Variants in MAPK10 observed in about 807,000 individuals in gnomAD.
The protein encoded by MAPK10 is JNK3 alpha protein kinase.
A neutral mutation model predicts 59.3 loss-of-function variants in MAPK10; 25 were observed. That is an observed-to-expected ratio of 0.42 (90% CI 0.31 to 0.59). The LOEUF (loss-of-function observed/expected upper bound fraction) is 0.59. MAPK10 is among the 20% of genes least tolerant of loss of function. The probability of loss-of-function intolerance (pLI) is 0.15; values close to 1 mark genes in which losing one functional copy is unlikely to be tolerated. For missense variants in MAPK10, 351 were observed against 568.9 expected, an observed-to-expected ratio of 0.62 and a Z score of 3.90; for synonymous variants, 190 against 200.5, an observed-to-expected ratio of 0.95 and a Z score of 0.44.
intron 1 of MAPK10, among the ~76,000 whole-genome samples, chr4:86,583,365 A>G (rs931360803): frequency 3.9e-5 from 6 of 152,052 alleles, no homozygotes; most frequent in Admixed American, 3.9e-4. Flanking sequence ...TACCTTTTCT[A>G]GAAGCTAGAA....
At chr4:86,222,774 T>C (rs562500887) in intron 2 of MAPK10, among the ~76,000 whole-genome samples, 2 of 152,334 alleles carry the variant, frequency 1.3e-5, no homozygotes, top group African/African-American at 4.8e-5. Context: ...CACCCCCTAA[T>C]AGACTTTTAC....
Position 86,338,617 on chromosome 4 carries a change from T to C in MAPK10, c.-7+15913A>G, listed in dbSNP as rs149312841. On this transcript the variant is annotated intron_variant, in intron 2 of 13. Coordinates refer to ENST00000641462, the MANE Select transcript of MAPK10 (RefSeq NM_138982.4). ...CAGTGTACTATTTTATAGACACATG[T>C]TTTTCTTGTACGTGCAAGCCCTATA... Among the ~76,000 whole-genome samples the C allele has an allele frequency of 6.3e-3, 959 of 152,298 alleles. 7 individuals carry two copies. The highest frequency in any genetic ancestry group is 0.021 in the African/African-American group (861 of 41,546).
chr4:86,129,626 G>A (rs1417544362), intron 4 of MAPK10, among the ~76,000 whole-genome samples: 2 of 152,108 alleles, frequency 1.3e-5, no homozygotes, highest in Non-Finnish European at 2.9e-5. Flanking sequence ...TCAAATACGA[G>A]TATTGATTTT....
At chr4:86,076,102 T>C (rs1195855027) in intron 9 of MAPK10, among the ~76,000 whole-genome samples, 2 of 152,164 alleles carry the variant, frequency 1.3e-5, no homozygotes, top group Non-Finnish European at 2.9e-5. Flanking sequence ...CGTGGTGCGC[T>C]GCTTTTTAAG....
At chr4:86,256,767 G>A (rs547988395) in intron 2 of MAPK10, among the ~76,000 whole-genome samples, 7 of 111,918 alleles carry the variant, frequency 6.3e-5, no homozygotes, top group African/African-American at 2.2e-4. Flanking sequence ...TTGAGACAGA[G>A]TCTCTCTCTG....
At chr4:86,303,348 A>G (rs987207584) in intron 2 of MAPK10, among the ~76,000 whole-genome samples, 1 of 152,170 alleles carries the variant, frequency 6.6e-6, no homozygotes, top group African/African-American at 2.4e-5. Flanking sequence ...TGTGACTTCG[A>G]CTTTCATTCA....
chr4:86,265,403 G>A (rs1418453306), intron 2 of MAPK10, among the ~76,000 whole-genome samples: 2 of 151,772 alleles, frequency 1.3e-5, no homozygotes, highest in African/African-American at 4.8e-5. Flanking sequence ...CAGCTACTCA[G>A]GAGGCTGAGG....
At chr4:86,135,042 A>C (rs1249545569) in intron 4 of MAPK10, among the ~76,000 whole-genome samples, 1 of 152,160 alleles carries the variant, frequency 6.6e-6, no homozygotes, top group Non-Finnish European at 1.5e-5. Context: ...CCTATGCCCA[A>C]GGAGTCTTGC....
At chr4:86,331,871 G>C (rs867245921) in intron 2 of MAPK10, among the ~76,000 whole-genome samples, 1 of 152,038 alleles carries the variant, frequency 6.6e-6, no homozygotes, top group Non-Finnish European at 1.5e-5. Context: ...TATCTACAAG[G>C]CCTGTTTAGA....
chr4:86,572,040 A>G lies in MAPK10; in HGVS notation c.-263+21870T>C, dbSNP rs765161155. Reference sequence around the variant, plus strand: ...ATTGCATAATGCTAGCTTTAAATGTATATATGTACATTTAACTCCTATGTA... The same window carrying G: ...ATTGCATAATGCTAGCTTTAAATGTGTATATGTACATTTAACTCCTATGTA... On this transcript the variant is annotated intron_variant, in intron 1 of 4. Transcript: ENST00000502302. Among the ~76,000 whole-genome samples the G allele has an allele frequency of 5.3e-4, 81 of 152,234 alleles. 1 individual carries two copies. The highest frequency in any genetic ancestry group is 2.4e-3 in the Admixed American group (36 of 15,282).
At chr4:86,480,741 G>A (rs1340980011) in intron 1 of MAPK10, among the ~76,000 whole-genome samples, 1 of 152,066 alleles carries the variant, frequency 6.6e-6, no homozygotes, top group Non-Finnish European at 1.5e-5. Flanking sequence ...CCATCATAAG[G>A]GTTACAGCTG....
At chr4:86,261,666 T>A (rs2093986399) in intron 2 of MAPK10, among the ~76,000 whole-genome samples, 1 of 152,224 alleles carries the variant, frequency 6.6e-6, no homozygotes, top group African/African-American at 2.4e-5. Context: ...AAATGATAAA[T>A]ACCTGATAGG....
intron 2 of MAPK10, among the ~76,000 whole-genome samples, chr4:86,238,992 T>G (rs1156390822): frequency 6.6e-6 from 1 of 152,216 alleles, no homozygotes; most frequent in Non-Finnish European, 1.5e-5. Context: ...TTGTCATAAA[T>G]AGCTCTTATT....
At chr4:86,414,391 C>T (rs954271372) in intron 1 of MAPK10, among the ~76,000 whole-genome samples, 1 of 152,120 alleles carries the variant, frequency 6.6e-6, no homozygotes, top group African/African-American at 2.4e-5. Flanking sequence ...GTGATCTAGT[C>T]TAGTCAAACA....
intron 1 of MAPK10, among the ~76,000 whole-genome samples, chr4:86,396,618 G>A (rs763214955): frequency 7.9e-5 from 12 of 152,226 alleles, no homozygotes; most frequent in Non-Finnish European, 1.5e-4. Context: ...TTGGCTCACA[G>A]TTCTGCAGGC....
At chr4:86,480,451 C>G (rs149234254) in intron 1 of MAPK10, among the ~76,000 whole-genome samples, 1 of 152,104 alleles carries the variant, frequency 6.6e-6, no homozygotes, top group Non-Finnish European at 1.5e-5. Context: ...CCACCTGCAC[C>G]CAGGTGATTA....
chr4:86,456,584 AC>A (rs1368006672), upstream of MAPK10, among the ~76,000 whole-genome samples: 1 of 152,204 alleles, frequency 6.6e-6, no homozygotes, highest in East Asian at 1.9e-4. Flanking sequence ...CTAGAAAAAA[AC>A]AACCCACCTA....
At chr4:86,443,391 C>T (rs536075216) in intron 1 of MAPK10, among the ~76,000 whole-genome samples, 4 of 151,828 alleles carry the variant, frequency 2.6e-5, no homozygotes, top group African/African-American at 9.7e-5. Flanking sequence ...CAGAGCCTAA[C>T]CACCCTGCAG....
upstream of MAPK10, among the ~76,000 whole-genome samples, chr4:86,362,816 A>G (rs1055477106): frequency 4.6e-5 from 7 of 152,180 alleles, no homozygotes; most frequent in Non-Finnish European, 1.0e-4. Context: ...AGGACATGGA[A>G]AACCAGAACT....
Sources: allele counts gnomAD v4.1 joint callset (sites outside exome capture counted in the v4.1 genomes callset), GRCh38; gene constraint gnomAD v4.1.1; transcripts MANE v1.5; gene names NCBI Gene and HGNC (gene_info 2026-07-23, HGNC 2026-07-21).